The following PLCL1 variants were observed in gnomAD, a reference collection of about 807,000 sequenced individuals.
PLCL1 encodes the protein inactive phospholipase C-like protein 1.
PLCL1 carries 41 observed loss-of-function variants against 84.4 expected under a neutral mutation model. The observed-to-expected ratio is 0.49, with a 90% confidence interval of 0.38 to 0.63. The LOEUF (loss-of-function observed/expected upper bound fraction) is 0.63, where lower values mean the gene tolerates loss of function less well. Ranked by LOEUF, PLCL1 falls within the 30% of genes least tolerant of loss-of-function variation. PLCL1 has a pLI of 0.00. For missense variants in PLCL1, 1,206 were observed against 1,367.8 expected, an observed-to-expected ratio of 0.88 and a Z score of 1.87; for synonymous variants, 490 against 488.3, an observed-to-expected ratio of 1.00 and a Z score of -0.05.
At position 197,886,411 on chromosome 2, in the gene PLCL1, C is replaced by CAAAAAAAAAAAAAAAAAAA. The variant is rs61183744; in HGVS notation, c.240+81095_240+81113dup. On this transcript the variant is annotated intron_variant, in intron 1 of 5. Coordinates refer to ENST00000428675, the MANE Select transcript of PLCL1 (RefSeq NM_006226.4). ...TGGGCAACAGAATGAGACTCTGTCT[C>CAAAAAAAAAAAAAAAAAAA]AAAAAAAAAAAAAAAAAAAAAAAAA... Among the ~76,000 whole-genome samples, 11 of 77,086 alleles carry CAAAAAAAAAAAAAAAAAAA rather than the reference C, an allele frequency of 1.4e-4. 1 individual carries two copies. The highest frequency in any genetic ancestry group is 2.1e-4 in the African/African-American group (5 of 23,774). 50.6% of individuals were successfully genotyped at this position (77,086 alleles called of 152,430 possible). A position where few individuals can be genotyped will look rare whatever the true frequency, so the allele number is the denominator to read the frequency against.
chr2:198,142,017 T>C (rs1694399716), intron 5 of PLCL1, among the ~76,000 whole-genome samples: 1 of 152,172 alleles, frequency 6.6e-6, no homozygotes, highest in Non-Finnish European at 1.5e-5. Flanking sequence ...GTTCTCCTGC[T>C]CTTTTGTGTA....
At chr2:198,003,993 A>G (rs1318695870) in intron 1 of PLCL1, among the ~76,000 whole-genome samples, 2 of 152,218 alleles carry the variant, frequency 1.3e-5, no homozygotes. Context: ...CAATGCATGC[A>G]TAGGACCAGA....
At chr2:197,994,334 T>G (rs746772747) in intron 1 of PLCL1, among the ~76,000 whole-genome samples, 1 of 152,220 alleles carries the variant, frequency 6.6e-6, no homozygotes, top group African/African-American at 2.4e-5. Context: ...GGCTAGGAAC[T>G]TTAGCAGAAA....
intron 4 of PLCL1, among the ~76,000 whole-genome samples, chr2:198,101,932 C>T (rs771659835): frequency 6.6e-5 from 10 of 151,964 alleles, no homozygotes; most frequent in Admixed American, 1.3e-4. Flanking sequence ...ATGATTATGA[C>T]GAGGAAGATG....
chr2:197,811,298 TG>T (rs1690582250), intron 1 of PLCL1, among the ~76,000 whole-genome samples: 1 of 152,222 alleles, frequency 6.6e-6, no homozygotes. Flanking sequence ...TAACTTTTAA[TG>T]GCAACAAAAT....
chr2:197,831,680 T>A (rs559902268), intron 1 of PLCL1, among the ~76,000 whole-genome samples: 3 of 152,134 alleles, frequency 2.0e-5, no homozygotes, highest in Non-Finnish European at 4.4e-5. Flanking sequence ...CTAATAGACA[T>A]CTACAGAACT....
At chr2:197,921,592 T>C (rs1041053553) in intron 1 of PLCL1, among the ~76,000 whole-genome samples, 1 of 152,194 alleles carries the variant, frequency 6.6e-6, no homozygotes, top group Non-Finnish European at 1.5e-5. Context: ...TACCTAATAC[T>C]TGGAGAAACA....
chr2:198,121,956 T>G (rs1358185387), intron 5 of PLCL1, among the ~76,000 whole-genome samples: 1 of 152,058 alleles, frequency 6.6e-6, no homozygotes, highest in Non-Finnish European at 1.5e-5. Flanking sequence ...TTGCACAGGT[T>G]TCTAGATCAG....
At chr2:198,131,989 C>T (rs1199679851) in intron 5 of PLCL1, among the ~76,000 whole-genome samples, 3 of 152,128 alleles carry the variant, frequency 2.0e-5, no homozygotes, top group Non-Finnish European at 4.4e-5. Flanking sequence ...TTCCATTTCC[C>T]CTTTCCTTGC....
intron 1 of PLCL1, among the ~76,000 whole-genome samples, chr2:198,002,160 C>T (rs1202266369): frequency 6.6e-6 from 1 of 152,198 alleles, no homozygotes; most frequent in East Asian, 1.9e-4. Flanking sequence ...TCCCTGGTGC[C>T]ACAAATGTTG....
intron 1 of PLCL1, among the ~76,000 whole-genome samples, chr2:198,051,298 T>C (rs1691924014): frequency 6.6e-6 from 1 of 152,186 alleles, no homozygotes; most frequent in Non-Finnish European, 1.5e-5. Flanking sequence ...CAATTTTAGG[T>C]TAATAGAACA....
chr2:197,935,675 C>T (rs775258185), intron 1 of PLCL1, among the ~76,000 whole-genome samples: 4 of 152,074 alleles, frequency 2.6e-5, no homozygotes, highest in Admixed American at 6.6e-5. Flanking sequence ...TGCTTATTAC[C>T]GGGGTGACAA....
In PLCL1 at chr2:198,148,166, A is replaced by G. The variant is rs1694571926; in HGVS notation, c.*1204A>G. 6.6e-6 allele frequency: 1 copy of G among 152,350 alleles called. No homozygotes were observed. Among genetic ancestry groups the G allele is most frequent in the East Asian group, 1.9e-4 (1 of 5,330 alleles). The allele number at this position is 152,350 out of a possible 1,614,324, so 9.4% of individuals were successfully genotyped here. ...TTGAGTGTAATGTTTGTTACCTCCA[A>G]CAGAACTAAATGTTCTATGGTTATG... is the stretch of plus-strand genomic sequence containing the variant. On this transcript the variant is annotated 3_prime_UTR_variant, in exon 6 of 6. Coordinates refer to ENST00000428675, the MANE Select transcript of PLCL1 (RefSeq NM_006226.4).
intron 3 of PLCL1, among the ~76,000 whole-genome samples, chr2:198,100,407 G>A (rs1693302607): frequency 6.6e-6 from 1 of 152,032 alleles, no homozygotes; most frequent in South Asian, 2.1e-4. Flanking sequence ...ACTAATAGAG[G>A]AGAGGGCACT....
At chr2:198,114,265 G>A (rs1016787778) in intron 5 of PLCL1, among the ~76,000 whole-genome samples, 1 of 151,788 alleles carries the variant, frequency 6.6e-6, no homozygotes, top group African/African-American at 2.4e-5. Flanking sequence ...GAGTTTAGTA[G>A]AGATAAAAGC....
At chr2:197,817,167 T>C (rs1296813615) in intron 1 of PLCL1, among the ~76,000 whole-genome samples, 1 of 152,168 alleles carries the variant, frequency 6.6e-6, no homozygotes, top group Non-Finnish European at 1.5e-5. Context: ...TGGCTCTCTC[T>C]CTAGTATTAC....
intron 1 of PLCL1, among the ~76,000 whole-genome samples, chr2:198,058,457 G>T (rs1028989207): frequency 1.7e-4 from 26 of 151,738 alleles, no homozygotes; most frequent in African/African-American, 3.4e-4. Flanking sequence ...TCATAGAAAA[G>T]AATTTTCAGG....
At chr2:197,942,829 C>A (rs1370393491) in intron 1 of PLCL1, among the ~76,000 whole-genome samples, 2 of 152,046 alleles carry the variant, frequency 1.3e-5, no homozygotes, top group Admixed American at 1.3e-4. Flanking sequence ...GATGAATAAT[C>A]AAAGTTTATT....
intron 1 of PLCL1, among the ~76,000 whole-genome samples, chr2:197,898,733 T>C (rs1019214866): frequency 1.4e-5 from 2 of 147,818 alleles, no homozygotes; most frequent in African/African-American, 5.1e-5. Context: ...ATTTCCTAGT[T>C]TCTTTAGTCC....
Sources: allele counts gnomAD v4.1 joint callset (sites outside exome capture counted in the v4.1 genomes callset), GRCh38; gene constraint gnomAD v4.1.1; transcripts MANE v1.5; gene names NCBI Gene and HGNC (gene_info 2026-07-23, HGNC 2026-07-21).